TTI1: variants seen among roughly 807,000 people sequenced by gnomAD.
TTI1 encodes the protein TELO2-interacting protein 1 homolog.
In TTI1, 52 loss-of-function variants were observed where a neutral mutation model predicts 85.4. That is an observed-to-expected ratio of 0.61 (90% CI 0.49 to 0.77). TTI1 has a LOEUF of 0.77. Among genes scored for constraint, TTI1 ranks in the 30% least tolerant of loss-of-function variants. The pLI is 0.00. For synonymous variants in TTI1, 512 were observed against 503.9 expected, an observed-to-expected ratio of 1.02 and a Z score of -0.22; for missense variants, 1,173 against 1,296.0, an observed-to-expected ratio of 0.91 and a Z score of 1.46.
intron 1 of TTI1, among the ~76,000 whole-genome samples, chr20:38,022,553 A>G (rs1356687801): frequency 6.6e-6 from 1 of 152,182 alleles, no homozygotes; most frequent in East Asian, 1.9e-4. Flanking sequence ...TAGAGTGCTG[A>G]TATCAGCTAT....
intron 1 of TTI1, among the ~76,000 whole-genome samples, chr20:38,022,547 G>A (rs2073783752): frequency 1.3e-5 from 2 of 152,164 alleles, no homozygotes. Context: ...CATTTGTAGA[G>A]TGCTGATATC....
At chr20:38,014,338 A>G (rs1483141827) in intron 1 of TTI1, among the ~76,000 whole-genome samples, 1 of 152,216 alleles carries the variant, frequency 6.6e-6, no homozygotes, top group Non-Finnish European at 1.5e-5. Context: ...CCACTTCCCG[A>G]AGTAAGATAC....
chr20:38,011,409 G>T, intron 2 of TTI1, 106 bp downstream of exon 2: 4 of 1,267,966 alleles, frequency 3.2e-6, no homozygotes, highest in South Asian at 1.5e-5. Flanking sequence ...TGATTAAAAC[G>T]TCCTCCATAG....
intron 7 of TTI1, among the ~76,000 whole-genome samples, chr20:37,994,528 T>C (rs1276215285): frequency 7.3e-6 from 1 of 137,078 alleles, no homozygotes; most frequent in Admixed American, 8.0e-5. Flanking sequence ...GGTTTCCTAT[T>C]GTCTCAGGCT....
intron 3 of TTI1, among the ~76,000 whole-genome samples, chr20:38,005,506 C>G (rs544071844): frequency 1.4e-4 from 21 of 152,196 alleles, no homozygotes; most frequent in South Asian, 4.2e-4. Flanking sequence ...GAAAAAAAAC[C>G]TGTTAGGAAA....
chr20:38,013,658 G>A lies in TTI1; in HGVS notation c.159C>T (p.Leu53=). 6.8e-6 allele frequency: 11 copies of A among 1,614,248 alleles called. No individual in the cohort carries two copies. The highest frequency in any genetic ancestry group is 9.3e-6 in the Non-Finnish European group (11 of 1,180,042). Residue 53 remains leucine (L), a synonymous_variant, in exon 2 of 8, where the codon CTC becomes CTT. Coordinates refer to ENST00000373447, the MANE Select transcript of TTI1 (RefSeq NM_001303457.2). ...SALQELQQYI[L]FPLRFTLKTP... is the part of the protein sequence containing the mutation. Reference sequence around the variant, plus strand: ...TCTTCAGGGTAAATCGCAGAGGGAAGAGGATGTACTGCTGAAGTTCCTGAA... The same window carrying A: ...TCTTCAGGGTAAATCGCAGAGGGAAAAGGATGTACTGCTGAAGTTCCTGAA...
intron 6 of TTI1, 93 bp from the exon 7 acceptor site, chr20:37,996,555 G>C (rs1257061247): frequency 2.7e-6 from 4 of 1,488,236 alleles, no homozygotes; most frequent in Non-Finnish European, 3.7e-6. Flanking sequence ...GCAACAGCTA[G>C]GCAAGATGCT....
At chr20:38,021,663 A>G (rs6022419) in intron 1 of TTI1, among the ~76,000 whole-genome samples, 61,858 of 152,022 alleles carry the variant, frequency 0.41, 13,508 homozygotes, top group African/African-American at 0.58. Context: ...GTGGCCCTCC[A>G]CTGTGGTCCT....
Position 37,996,710 on chromosome 20 carries a change from C to T in TTI1, c.2998+39G>A, listed in dbSNP as rs200662451. On this transcript the variant is annotated intron_variant, in intron 6 of 7. Coordinates refer to ENST00000373447, the MANE Select transcript of TTI1 (RefSeq NM_001303457.2). The stretch of plus-strand genomic sequence containing the variant: ...CATGATGGCAGGGGTGAGACAGATG[C>T]TAAGTGTGTGTGTTCAGGTGGAACT... The T allele has an allele frequency of 4.8e-4, 761 of 1,574,800 alleles. 1 individual carries two copies. The African/African-American group carries it at 6.6e-3, about 14-fold the overall frequency.
At chr20:38,007,954 TG>T (rs1160250761) in intron 2 of TTI1, among the ~76,000 whole-genome samples, 2 of 152,244 alleles carry the variant, frequency 1.3e-5, no homozygotes, top group African/African-American at 4.8e-5. Flanking sequence ...AGACTAGATA[TG>T]CTGCAAAGAT....
chr20:38,007,234 G>A (rs187103211), intron 2 of TTI1, among the ~76,000 whole-genome samples: 1 of 152,378 alleles, frequency 6.6e-6, no homozygotes, highest in Non-Finnish European at 1.5e-5. Flanking sequence ...ACAGAGTCTT[G>A]AGAATGGATG....
intron 7 of TTI1, among the ~76,000 whole-genome samples, chr20:37,995,030 C>T (rs1271631698): frequency 6.6e-6 from 1 of 152,186 alleles, no homozygotes; most frequent in Admixed American, 6.5e-5. Flanking sequence ...AAAGGATTTA[C>T]TTCAAGATAA....
At position 38,031,366 on chromosome 20, in the gene TTI1, C is replaced by G. The variant is rs116576429; in HGVS notation, c.-42+2038G>C. ...TTCATATCACTCCAGCTTTATTGTCCTCTCTGCTGTTGCTCCAAAATGCCA... is the reference window on the plus strand; with the variant it reads ...TTCATATCACTCCAGCTTTATTGTCGTCTCTGCTGTTGCTCCAAAATGCCA... On this transcript the variant is annotated intron_variant, in intron 1 of 7. Transcript: ENST00000373447. 8.5e-3 allele frequency among the ~76,000 whole-genome samples: 1,301 copies of G among 152,296 alleles called. 21 individuals carry two copies. The highest frequency in any genetic ancestry group is 0.028 in the African/African-American group (1,164 of 41,554).
intron 1 of TTI1, among the ~76,000 whole-genome samples, chr20:38,020,191 A>G (rs989751181): frequency 6.6e-6 from 1 of 151,556 alleles, no homozygotes; most frequent in African/African-American, 2.4e-5. Context: ...GAGTTCAGAA[A>G]TAGACCACAC....
At chr20:37,990,364 A>C (rs1434984924) in intron 7 of TTI1, among the ~76,000 whole-genome samples, 1 of 152,216 alleles carries the variant, frequency 6.6e-6, no homozygotes, top group Admixed American at 6.5e-5. Flanking sequence ...CCTTGTCGTC[A>C]TTGTAGTAGG....
chr20:37,999,410 A>C (rs2073389238), intron 4 of TTI1, 82 bp from the exon 5 acceptor site: 1 of 1,305,556 alleles, frequency 7.7e-7, no homozygotes, highest in Admixed American at 3.1e-5. Context: ...AAAGAATAAC[A>C]TTTAGAAACG....
chr20:38,003,200 C>A (rs2122542591), intron 3 of TTI1, among the ~76,000 whole-genome samples: 1 of 152,238 alleles, frequency 6.6e-6, no homozygotes, highest in South Asian at 2.1e-4. Flanking sequence ...TGGGCTCAAG[C>A]AATCCCCCTG....
intron 1 of TTI1, 164 bp from the exon 2 acceptor site, chr20:38,014,021 T>C (rs140979899): frequency 1.5e-4 from 94 of 632,542 alleles, no homozygotes; most frequent in Non-Finnish European, 2.3e-4. Flanking sequence ...GTGAGGGAAG[T>C]ACATGTACAG....
At position 38,026,034 on chromosome 20, in the gene TTI1, A is replaced by G. The variant is rs117582064; in HGVS notation, c.-42+7370T>C. Reference sequence around the variant, plus strand: ...AAAGTTGGCAAAGACATAAATCTATATATCAAGAAGCTGAGTGAACCCCAA... The same window carrying G: ...AAAGTTGGCAAAGACATAAATCTATGTATCAAGAAGCTGAGTGAACCCCAA... On this transcript the variant is annotated intron_variant, in intron 1 of 7. Transcript: ENST00000373447. Among the ~76,000 whole-genome samples, 371 of 152,362 alleles carry G rather than the reference A, an allele frequency of 2.4e-3. 2 individuals carry two copies. The Middle Eastern group carries it at 0.051, about 21-fold the overall frequency.
Sources: gnomAD v4.1 joint callset for allele counts (sites outside exome capture counted in the v4.1 genomes callset) on GRCh38, gnomAD v4.1.1 for gene constraint, MANE v1.5 for transcripts, NCBI Gene and HGNC (gene_info 2026-07-23, HGNC 2026-07-21) for gene names.